Variants in ARHGAP15 observed in about 807,000 individuals in gnomAD.
The protein encoded by ARHGAP15 is Rho GTPase activating protein 15.
A neutral mutation model predicts 63.7 loss-of-function variants in ARHGAP15; 51 were observed. The ratio of observed to expected loss-of-function variants is 0.80; its 90% CI spans 0.64 to 1.01. ARHGAP15 has a LOEUF of 1.01. Among genes scored for constraint, ARHGAP15 ranks in the 50% least tolerant of loss-of-function variants. ARHGAP15 has a pLI of 0.00. For missense variants in ARHGAP15, 560 were observed against 564.6 expected, an observed-to-expected ratio of 0.99 and a Z score of 0.08; for synonymous variants, 191 against 193.8, an observed-to-expected ratio of 0.99 and a Z score of 0.12.
intron 11 of ARHGAP15, chr2:143,601,550 T>C (rs904487962): frequency 2.6e-5 from 4 of 152,158 alleles, no homozygotes; most frequent in Non-Finnish European, 4.4e-5. Context: ...ATGAAGTGGA[T>C]TGGAGACCAT....
intron 6 of ARHGAP15, among the ~76,000 whole-genome samples, chr2:143,350,676 A>G (rs1401883039): frequency 2.0e-5 from 3 of 147,332 alleles, no homozygotes; most frequent in Non-Finnish European, 4.5e-5. Flanking sequence ...AAAAAAAAAA[A>G]AAGAAAGAAA....
chr2:143,173,435 A>G (rs1321715169), intron 2 of ARHGAP15, among the ~76,000 whole-genome samples: 1 of 152,096 alleles, frequency 6.6e-6, no homozygotes, highest in Non-Finnish European at 1.5e-5. Flanking sequence ...TCCCATAAAC[A>G]TATCAATCCT....
chr2:143,171,139 A>C (rs1413991816), intron 2 of ARHGAP15, among the ~76,000 whole-genome samples: 1 of 152,184 alleles, frequency 6.6e-6, no homozygotes. Flanking sequence ...GAATTAAAGA[A>C]GAAAAATAAT....
chr2:143,156,206 G>A (rs548904480), intron 2 of ARHGAP15, among the ~76,000 whole-genome samples: 1 of 151,960 alleles, frequency 6.6e-6, no homozygotes, highest in Admixed American at 6.6e-5. Context: ...GTGTCATTAG[G>A]AAGATTTGAA....
chr2:143,602,261 G>A (rs775473173), intron 11 of ARHGAP15, among the ~76,000 whole-genome samples: 1 of 152,132 alleles, frequency 6.6e-6, no homozygotes, highest in Non-Finnish European at 1.5e-5. Flanking sequence ...TGAAAAAGAA[G>A]ATAGCCCTGG....
Position 143,387,907 on chromosome 2 carries a change from C to T in ARHGAP15, c.475-47694C>T, listed in dbSNP as rs570236045. On this transcript the variant is annotated intron_variant, in intron 6 of 13. Coordinates refer to ENST00000295095, the MANE Select transcript of ARHGAP15 (RefSeq NM_018460.4). ...CGTGCACATACACATACACGCATGC[C>T]TGCACACACACACACACACACGCAT... Among the ~76,000 whole-genome samples the T allele has an allele frequency of 1.5e-5, 2 of 135,530 alleles. 1 individual carries two copies. Among genetic ancestry groups the T allele is most frequent in the South Asian group, 4.5e-4 (2 of 4,450 alleles). 88.9% of individuals were successfully genotyped at this position (135,530 alleles called of 152,430 possible).
intron 2 of ARHGAP15, among the ~76,000 whole-genome samples, chr2:143,197,423 T>C (rs528643340): frequency 7.2e-4 from 110 of 152,152 alleles, no homozygotes; most frequent in African/African-American, 2.5e-3. Flanking sequence ...TTCTGTTATT[T>C]ATACTATGGC....
intron 11 of ARHGAP15, among the ~76,000 whole-genome samples, chr2:143,611,215 C>T (rs1006556661): frequency 6.6e-6 from 1 of 152,088 alleles, no homozygotes; most frequent in African/African-American, 2.4e-5. Context: ...TGCTTATGAG[C>T]CTCGTGTAAA....
intron 12 of ARHGAP15, among the ~76,000 whole-genome samples, chr2:143,668,084 T>C (rs960555079): frequency 6.6e-6 from 1 of 151,822 alleles, no homozygotes; most frequent in African/African-American, 2.4e-5. Flanking sequence ...GGTTGAAGCA[T>C]GTTTTGTAGA....
At chr2:143,401,258 A>G (rs1189821251) in intron 6 of ARHGAP15, among the ~76,000 whole-genome samples, 2 of 152,028 alleles carry the variant, frequency 1.3e-5, no homozygotes, top group Non-Finnish European at 1.5e-5. Context: ...TAAATTAGCT[A>G]TTATCTCTAT....
chr2:143,413,966 T>TGTGTGTGCGCACGCGCGCGC, intron 6 of ARHGAP15, among the ~76,000 whole-genome samples: 1 of 117,910 alleles, frequency 8.5e-6, no homozygotes, highest in African/African-American at 3.5e-5. Context: ...TGTGTGTGTG[T>TGTGTGTGCGCACGCGCGCGC]GCGCGCTCTC....
chr2:143,513,087 T>G (rs1477735194), intron 9 of ARHGAP15, among the ~76,000 whole-genome samples: 1 of 152,198 alleles, frequency 6.6e-6, no homozygotes, highest in Non-Finnish European at 1.5e-5. Flanking sequence ...CCTTCTTGGG[T>G]GAGTACAGCA....
chr2:143,228,695 A>G (rs755953626), intron 5 of ARHGAP15, 27 bp downstream of exon 5: 2 of 1,453,694 alleles, frequency 1.4e-6, no homozygotes, highest in East Asian at 4.9e-5. Flanking sequence ...TTCTATTGTT[A>G]AATATCTTTT....
chr2:143,196,591 C>T (rs1003192710), intron 2 of ARHGAP15, among the ~76,000 whole-genome samples: 7 of 151,782 alleles, frequency 4.6e-5, no homozygotes, highest in Admixed American at 4.6e-4. Context: ...TTGTCAGGGC[C>T]CCTTTTCTTT....
intron 6 of ARHGAP15, among the ~76,000 whole-genome samples, chr2:143,400,223 G>A (rs759759916): frequency 6.6e-6 from 1 of 151,948 alleles, no homozygotes; most frequent in Non-Finnish European, 1.5e-5. Context: ...AAATTTGGGT[G>A]GGTTACAGAT....
chr2:143,271,473 T>G (rs1210841333), intron 6 of ARHGAP15, among the ~76,000 whole-genome samples: 1 of 152,176 alleles, frequency 6.6e-6, no homozygotes, highest in Non-Finnish European at 1.5e-5. Context: ...TTGTTTGGTT[T>G]TGTTTGTTTG....
intron 3 of ARHGAP15, among the ~76,000 whole-genome samples, chr2:143,216,073 T>C (rs1692746691): frequency 6.6e-6 from 1 of 152,224 alleles, no homozygotes; most frequent in African/African-American, 2.4e-5. Flanking sequence ...ATTCAATTTG[T>C]CTTTCTTTTA....
intron 6 of ARHGAP15, among the ~76,000 whole-genome samples, chr2:143,407,046 A>G (rs1373651648): frequency 6.6e-6 from 1 of 151,980 alleles, no homozygotes; most frequent in Non-Finnish European, 1.5e-5. Flanking sequence ...TCCTACATGG[A>G]GGAAAAAAAT....
At chr2:143,299,886 G>T (rs922406197) in intron 6 of ARHGAP15, among the ~76,000 whole-genome samples, 1 of 151,946 alleles carries the variant, frequency 6.6e-6, no homozygotes, top group Non-Finnish European at 1.5e-5. Flanking sequence ...GTTGGAAAGG[G>T]CATTTGAGTA....
Sources: gnomAD v4.1 joint callset for allele counts (sites outside exome capture counted in the v4.1 genomes callset) on GRCh38, gnomAD v4.1.1 for gene constraint, MANE v1.5 for transcripts, NCBI Gene and HGNC (gene_info 2026-07-23, HGNC 2026-07-21) for gene names.